Variants in WWOX observed in about 807,000 individuals in gnomAD.
WWOX encodes the protein WW domain-containing oxidoreductase.
WWOX carries 69 observed loss-of-function variants against 46.2 expected under a neutral mutation model. The observed-to-expected ratio is 1.49, with a 90% CI of 1.23 to 1.82. The LOEUF (loss-of-function observed/expected upper bound fraction) is 1.82, where lower values mean the gene tolerates loss of function less well. Among genes scored for constraint, WWOX ranks in the 40% most tolerant of loss-of-function variants. The probability of loss-of-function intolerance (pLI) is 0.00; values close to 1 mark genes in which losing one functional copy is unlikely to be tolerated. For missense variants in WWOX, 919 were observed against 542.6 expected, an observed-to-expected ratio of 1.69 and a Z score of -6.89; for synonymous variants, 359 against 202.6, an observed-to-expected ratio of 1.77 and a Z score of -6.56.
chr16:78,768,604 A>AG (rs1366557548), intron 8 of WWOX, among the ~76,000 whole-genome samples: 1 of 152,100 alleles, frequency 6.6e-6, no homozygotes, highest in East Asian at 1.9e-4. Flanking sequence ...AAAAAAAAAA[A>AG]AAAAGGCTTT....
At chr16:78,419,215 G>T (rs1426897103) in intron 6 of WWOX, among the ~76,000 whole-genome samples, 1 of 152,080 alleles carries the variant, frequency 6.6e-6, no homozygotes, top group African/African-American at 2.4e-5. Flanking sequence ...ACCAAACTCT[G>T]CAAATTGTGT....
At chr16:78,395,787 T>TTC (rs1261590023) in intron 6 of WWOX, among the ~76,000 whole-genome samples, 2 of 152,176 alleles carry the variant, frequency 1.3e-5, no homozygotes, top group African/African-American at 4.8e-5. Context: ...TTTTTTGCTA[T>TTC]TCTTTTGTTA....
intron 8 of WWOX, among the ~76,000 whole-genome samples, chr16:79,041,138 G>A (rs1464502898): frequency 6.6e-6 from 1 of 152,134 alleles, no homozygotes; most frequent in African/African-American, 2.4e-5. Context: ...CCTATTGGCA[G>A]TCTCTGACAC....
At chr16:78,908,890 T>C (rs2045036617) in intron 8 of WWOX, among the ~76,000 whole-genome samples, 1 of 152,162 alleles carries the variant, frequency 6.6e-6, no homozygotes, top group Admixed American at 6.5e-5. Context: ...CCTGGAGCAA[T>C]TTGGGGAGGT....
chr16:79,015,385 C>G (rs1240391378), intron 8 of WWOX, among the ~76,000 whole-genome samples: 8 of 152,208 alleles, frequency 5.3e-5, no homozygotes, highest in Non-Finnish European at 1.2e-4. Context: ...CTTGAACTCA[C>G]TTTTCCTTTG....
chr16:78,520,192 G>C (rs1221230838), intron 8 of WWOX, among the ~76,000 whole-genome samples: 1 of 152,186 alleles, frequency 6.6e-6, no homozygotes, highest in African/African-American at 2.4e-5. Context: ...CCAGGCATAG[G>C]ATTGCCAGGC....
chr16:79,026,783 A>AG (rs2047652457), intron 8 of WWOX, among the ~76,000 whole-genome samples: 1 of 29,006 alleles, frequency 3.4e-5, no homozygotes, highest in African/African-American at 1.5e-4. Context: ...ACGCCCGGCT[A>AG]ATTTTTTTTT....
chr16:78,454,720 C>T (rs557266689), intron 8 of WWOX, among the ~76,000 whole-genome samples: 1 of 152,196 alleles, frequency 6.6e-6, no homozygotes, highest in Admixed American at 6.5e-5. Flanking sequence ...TGGTCTCGAA[C>T]TCTCAACGTC....
Position 78,338,917 on chromosome 16 carries a change from C to T in WWOX, c.517-47943C>T, listed in dbSNP as rs1331746570. ...AAAAAGTTAAAGCAGCCCTCAGCATCAACTTCTTCTTCATTTCTAACTCAT... is the reference window on the plus strand; with the variant it reads ...AAAAAGTTAAAGCAGCCCTCAGCATTAACTTCTTCTTCATTTCTAACTCAT... On this transcript the variant is annotated intron_variant, in intron 5 of 8. Coordinates refer to ENST00000566780, the MANE Select transcript of WWOX (RefSeq NM_016373.4). 6.6e-5 allele frequency among the ~76,000 whole-genome samples: 8 copies of T among 120,804 alleles called. 2 individuals are homozygous for T. Among genetic ancestry groups the T allele is most frequent in the Non-Finnish European group, 1.6e-4 (8 of 50,614 alleles). 79.3% of individuals were successfully genotyped at this position (120,804 alleles called of 152,430 possible). A position where few individuals can be genotyped will look rare whatever the true frequency, so the allele number is the denominator to read the frequency against.
chr16:78,277,380 C>T (rs557597854), intron 5 of WWOX, among the ~76,000 whole-genome samples: 20 of 152,280 alleles, frequency 1.3e-4, no homozygotes, highest in African/African-American at 4.6e-4. Flanking sequence ...GCATTCTCTC[C>T]TTGAGGGAAG....
chr16:78,409,984 A>G (rs982339860), intron 6 of WWOX, among the ~76,000 whole-genome samples: 1 of 152,176 alleles, frequency 6.6e-6, no homozygotes, highest in Admixed American at 6.5e-5. Context: ...CCATGTTGAA[A>G]CATAATCCCT....
At chr16:78,476,313 G>A (rs1965588) in intron 8 of WWOX, among the ~76,000 whole-genome samples, 1 of 152,094 alleles carries the variant, frequency 6.6e-6, no homozygotes, top group Non-Finnish European at 1.5e-5. Flanking sequence ...CCACTTGGGT[G>A]GATGAAGCTG....
At chr16:79,036,060 G>A (rs968147821) in intron 8 of WWOX, among the ~76,000 whole-genome samples, 1 of 152,196 alleles carries the variant, frequency 6.6e-6, no homozygotes, top group Non-Finnish European at 1.5e-5. Flanking sequence ...TGGTCTCTCT[G>A]TGGTTTTCTT....
In WWOX at chr16:79,046,472, A is replaced by G. The variant is rs924245476; in HGVS notation, c.1057-165136A>G. 1.6e-4 allele frequency among the ~76,000 whole-genome samples: 24 copies of G among 152,304 alleles called. 1 individual carries two copies. Among genetic ancestry groups the G allele is most frequent in the East Asian group, 1.4e-3 (7 of 5,176 alleles). ...TCTGGAGACTGGGAAGTCTAAGATT[A>G]AGGCAGTGGAAGGTTCACTGTCTGG... On this transcript the variant is annotated intron_variant, in intron 8 of 8. Coordinates refer to ENST00000566780, the MANE Select transcript of WWOX (RefSeq NM_016373.4).
intron 8 of WWOX, among the ~76,000 whole-genome samples, chr16:78,923,806 T>G (rs961868778): frequency 1.0e-4 from 15 of 144,108 alleles, no homozygotes; most frequent in African/African-American, 3.6e-4. Context: ...TTTTTTTTTT[T>G]TTTTTTTTTT....
At chr16:78,931,565 G>C (rs2045624968) in intron 8 of WWOX, among the ~76,000 whole-genome samples, 1 of 152,236 alleles carries the variant, frequency 6.6e-6, no homozygotes, top group African/African-American at 2.4e-5. Flanking sequence ...ATGAGTACAT[G>C]ATCCTTGACC....
At chr16:78,486,623 G>C (rs1185813618) in intron 8 of WWOX, among the ~76,000 whole-genome samples, 3 of 149,052 alleles carry the variant, frequency 2.0e-5, no homozygotes, top group African/African-American at 7.7e-5. Flanking sequence ...CGCCCAGGCT[G>C]GAGTGTAGTG....
At chr16:78,701,736 G>C (rs766119057) in intron 8 of WWOX, among the ~76,000 whole-genome samples, 3 of 151,958 alleles carry the variant, frequency 2.0e-5, no homozygotes, top group Non-Finnish European at 2.9e-5. Context: ...CTGCAGTAGG[G>C]GTTCTTTGGG....
chr16:78,477,456 T>G (rs555308705), intron 8 of WWOX, among the ~76,000 whole-genome samples: 11 of 152,282 alleles, frequency 7.2e-5, no homozygotes, highest in African/African-American at 2.2e-4. Context: ...CCAGATAAAG[T>G]GCCATTGATC....
Sources: gnomAD v4.1 joint callset for allele counts (sites outside exome capture counted in the v4.1 genomes callset) on GRCh38, gnomAD v4.1.1 for gene constraint, MANE v1.5 for transcripts, NCBI Gene and HGNC (gene_info 2026-07-23, HGNC 2026-07-21) for gene names.